The following ZNF771 variants were observed in gnomAD, a reference collection of about 807,000 sequenced individuals.
The protein encoded by ZNF771 is mesenchymal stem cell protein DSC43.
A neutral mutation model predicts 27.6 loss-of-function variants in ZNF771; 10 were observed. The ratio of observed to expected loss-of-function variants is 0.36; its 90% CI spans 0.22 to 0.61. The LOEUF (loss-of-function observed/expected upper bound fraction) is 0.61, where lower values mean the gene tolerates loss of function less well. Ranked by LOEUF, ZNF771 falls within the 20% of genes least tolerant of loss-of-function variation. The probability of loss-of-function intolerance (pLI) is 0.70; values close to 1 mark genes in which losing one functional copy is unlikely to be tolerated. For synonymous variants in ZNF771, 261 were observed against 225.2 expected (o/e 1.16, Z -1.43); for missense variants, 438 against 503.7 (o/e 0.87, Z 1.25).
At chr16:30,408,820 G>C (rs1210832525) in intron 2 of ZNF771, among the ~76,000 whole-genome samples, 1 of 152,032 alleles carries the variant, frequency 6.6e-6, no homozygotes, top group Non-Finnish European at 1.5e-5. Flanking sequence ...TATTATTACT[G>C]TTGTTATTGT....
intron 1 of ZNF771, 58 bp from the exon 2 acceptor site, chr16:30,407,987 C>CGGGGGGGGGGGGGGGG (rs1205134281): frequency 3.0e-6 from 2 of 676,814 alleles, no homozygotes; most frequent in Non-Finnish European, 2.0e-6. Context: ...CCACGGTGGG[C>CGGGGGGGGGGGGGGGG]GGGGGGGGGG....
Position 30,417,969 on chromosome 16 carries a change from G to A in ZNF771, c.556G>A (p.Gly186Ser), listed in dbSNP as rs1678724779. 3 of 1,489,728 alleles carry A rather than the reference G, an allele frequency of 2.0e-6. No homozygotes were observed. The highest frequency in any genetic ancestry group is 2.7e-6 in the Non-Finnish European group (3 of 1,129,752). The allele number at this position is 1,489,728 out of a possible 1,614,324, so 92.3% of individuals were successfully genotyped here. ...ACPDCGRAFG[G>S]SSCLARHRRT... ...CCCGGACTGCGGACGCGCCTTTGGCGGCAGCTCGTGCCTGGCGCGCCACCG... is the reference window on the plus strand; with the variant it reads ...CCCGGACTGCGGACGCGCCTTTGGCAGCAGCTCGTGCCTGGCGCGCCACCG... The change falls in exon 3 of 3, where the codon GGC becomes AGC. Residue 186 changes from glycine to serine, a missense_variant. Transcript: ENST00000319296.
intron 2 of ZNF771, among the ~76,000 whole-genome samples, chr16:30,412,372 A>G (rs1221437699): frequency 6.6e-6 from 1 of 152,226 alleles, no homozygotes; most frequent in Non-Finnish European, 1.5e-5. Context: ...CCAGCAAGGA[A>G]CTAGAAGACA....
At chr16:30,410,854 T>TA (rs2050100152) in intron 2 of ZNF771, among the ~76,000 whole-genome samples, 1 of 37,682 alleles carries the variant, frequency 2.7e-5, no homozygotes, top group Non-Finnish European at 4.4e-5. Context: ...ACCTCATCTC[T>TA]ACAAAAAAAA....
intron 2 of ZNF771, among the ~76,000 whole-genome samples, chr16:30,412,583 A>G (rs2050109896): frequency 1.3e-5 from 2 of 152,150 alleles, no homozygotes; most frequent in African/African-American, 2.4e-5. Flanking sequence ...GATTGAGCTC[A>G]GGAGTTCGAG....
At chr16:30,412,715 C>T (rs2050111547) in intron 2 of ZNF771, among the ~76,000 whole-genome samples, 2 of 151,992 alleles carry the variant, frequency 1.3e-5, no homozygotes, top group Admixed American at 1.3e-4. Context: ...TTGCTTTAGC[C>T]CGGGAAGTCA....
chr16:30,418,293 A>T lies in ZNF771; in HGVS notation c.880A>T (p.Arg294Trp). Residue 294 changes from arginine (R) to tryptophan (W), a missense_variant, in exon 3 of 3, where the codon AGG becomes TGG. Transcript: ENST00000319296. The stretch of plus-strand genomic sequence containing the variant: ...CCTGTATATTTGCGCCGGCTGCGGC[A>T]GGGACTTCAAGCTGCCCCCTGGCGC... ...RRLYICAGCG[R>W]DFKLPPGATA... 6.6e-7 allele frequency: 1 copy of T among 1,504,930 alleles called. No individual in the cohort carries two copies. The highest frequency in any genetic ancestry group is 2.7e-5 in the East Asian group (1 of 37,238). The allele number at this position is 1,504,930 out of a possible 1,614,324, so 93.2% of individuals were successfully genotyped here. A position where few individuals can be genotyped will look rare whatever the true frequency, so the allele number is the denominator to read the frequency against.
intron 2 of ZNF771, among the ~76,000 whole-genome samples, chr16:30,417,189 C>T (rs1237775860): frequency 1.3e-5 from 2 of 152,192 alleles, no homozygotes; most frequent in Admixed American, 1.3e-4. Context: ...TCTTGACAAC[C>T]CTGTTTAAAT....
chr16:30,411,525 G>A (rs189290092), intron 2 of ZNF771, among the ~76,000 whole-genome samples: 2 of 152,218 alleles, frequency 1.3e-5, no homozygotes, highest in East Asian at 3.9e-4. Context: ...AGGCACACAG[G>A]GCCAGATTGT....
chr16:30,416,352 G>A (rs1186849546), intron 2 of ZNF771, among the ~76,000 whole-genome samples: 1 of 152,092 alleles, frequency 6.6e-6, no homozygotes. Context: ...TCAAGAAGCC[G>A]TGACACCATC....
Position 30,418,330 on chromosome 16 carries a change from C to A in ZNF771, c.917C>A (p.Thr306Asn). Residue 306 changes from threonine (T) to asparagine (N), a missense_variant, in exon 3 of 3, where the codon ACT becomes AAT. Transcript: ENST00000319296. ...FKLPPGATAA[T>N]ATERCPECEG... Reference sequence around the variant, plus strand: ...CTGCCCCCTGGCGCCACGGCCGCCACTGCCACCGAGCGTTGCCCGGAGTGT... The same window carrying A: ...CTGCCCCCTGGCGCCACGGCCGCCAATGCCACCGAGCGTTGCCCGGAGTGT... 1 of 1,470,384 alleles carries A rather than the reference C, an allele frequency of 6.8e-7. No individual in the cohort carries two copies. The highest frequency in any genetic ancestry group is 2.3e-5 in the Admixed American group (1 of 43,450). 91.1% of individuals were successfully genotyped at this position (1,470,384 alleles called of 1,614,324 possible).
chr16:30,417,492 A>T, intron 2 of ZNF771, 63 bp from the exon 3 acceptor site: 1 of 1,105,734 alleles, frequency 9.0e-7, no homozygotes. Context: ...CAGCCTGTGG[A>T]GACCCAGGTC....
chr16:30,409,177 T>C (rs2050091715), intron 2 of ZNF771, among the ~76,000 whole-genome samples: 1 of 151,098 alleles, frequency 6.6e-6, no homozygotes, highest in African/African-American at 2.4e-5. Flanking sequence ...GGTTTTGCCA[T>C]GTTGGCCAGA....
intron 1 of ZNF771, 137 bp from the exon 2 acceptor site, chr16:30,407,908 A>C: frequency 3.8e-6 from 2 of 532,630 alleles, no homozygotes; most frequent in East Asian, 3.5e-5. Flanking sequence ...GGTGGACGGG[A>C]GAGGACCAGA....
intron 2 of ZNF771, chr16:30,414,504 G>A (rs936308997): frequency 2.0e-5 from 3 of 152,160 alleles, no homozygotes; most frequent in Non-Finnish European, 4.4e-5. Context: ...AGCTCAAGGC[G>A]GGTGACAGGA....
intron 2 of ZNF771, 75 bp downstream of exon 2, chr16:30,408,269 AG>A: frequency 6.2e-7 from 1 of 1,600,242 alleles, no homozygotes; most frequent in Non-Finnish European, 8.5e-7. Context: ...GATAGAAGCC[AG>A]GGATCTTGCC....
rs374488233 is a variant in ZNF771, at chr16:30,416,827, G to A, written c.142-728G>A. 8.7e-5 allele frequency among the ~76,000 whole-genome samples: 13 copies of A among 149,932 alleles called. 2 individuals are homozygous for A. Among genetic ancestry groups the A allele is most frequent in the Admixed American group, 6.7e-4 (10 of 14,878 alleles). On this transcript the variant is annotated intron_variant, in intron 2 of 2. Transcript: ENST00000319296. ...GAGCCAGGCACAGTGGTATGTGCCT[G>A]TAACTCCAGCTACTCAGAAGGCTGA...
intron 2 of ZNF771, among the ~76,000 whole-genome samples, chr16:30,410,997 T>C (rs568495851): frequency 2.0e-5 from 3 of 150,140 alleles, no homozygotes; most frequent in African/African-American, 7.4e-5. Context: ...TACTCCAGCC[T>C]GGGCAACAGA....
At chr16:30,412,005 C>A (rs966263525) in intron 2 of ZNF771, among the ~76,000 whole-genome samples, 3 of 152,140 alleles carry the variant, frequency 2.0e-5, no homozygotes, top group Non-Finnish European at 4.4e-5. Context: ...TGGCTTGAAC[C>A]CTTGAGTGGT....
Sources: allele counts gnomAD v4.1 joint callset (sites outside exome capture counted in the v4.1 genomes callset), GRCh38; gene constraint gnomAD v4.1.1; transcripts MANE v1.5; gene names NCBI Gene and HGNC (gene_info 2026-07-23, HGNC 2026-07-21).